UNKL: variants seen among roughly 807,000 people sequenced by gnomAD.
UNKL encodes the protein unk like zinc finger, also known as putative E3 ubiquitin-protein ligase UNKL.
UNKL carries 60 observed loss-of-function variants against 78.0 expected under a neutral mutation model. The observed-to-expected ratio is 0.77, with a 90% confidence interval of 0.63 to 0.95. UNKL has a LOEUF of 0.95. Ranked by LOEUF, UNKL falls within the 40% of genes least tolerant of loss-of-function variation. UNKL has a pLI of 0.00. For synonymous variants in UNKL, 608 were observed against 474.8 expected, an observed-to-expected ratio of 1.28 and a Z score of -3.65; for missense variants, 1,159 against 1,045.7, an observed-to-expected ratio of 1.11 and a Z score of -1.49.
intron 10 of UNKL, among the ~76,000 whole-genome samples, chr16:1,375,582 C>A (rs1236508394): frequency 6.6e-6 from 1 of 152,178 alleles, no homozygotes; most frequent in Non-Finnish European, 1.5e-5. Context: ...CGGGAGTGGC[C>A]TCCACTCCCA....
At position 1,387,090 on chromosome 16, in the gene UNKL, C is replaced by T. The variant is rs144709473; in HGVS notation, c.1087-1705G>A. The stretch of plus-strand genomic sequence containing the variant: ...ACCGCAGACCCTCCCAGCCATGCAG[C>T]ACCGGGGACCCTCCCAGCAATGCAG... On this transcript the variant is annotated intron_variant, in intron 9 of 14. Coordinates refer to ENST00000389221, the MANE Select transcript of UNKL (RefSeq NM_001372107.1). This position sits in a 1 kb window ranked among gnomAD's most constrained non-coding sequence, Gnocchi z 4.1. 1.1e-3 allele frequency among the ~76,000 whole-genome samples: 160 copies of T among 151,614 alleles called. No individual in the cohort carries two copies. Among genetic ancestry groups the T allele is most frequent in the African/African-American group, 2.7e-3 (112 of 41,332 alleles).
chr16:1,404,649 A>G (rs1162938607), intron 2 of UNKL, among the ~76,000 whole-genome samples: 1 of 152,194 alleles, frequency 6.6e-6, no homozygotes, highest in Non-Finnish European at 1.5e-5. Context: ...GGTCTTCAGG[A>G]GACACCTGCA....
intron 10 of UNKL, among the ~76,000 whole-genome samples, chr16:1,378,681 C>T (rs1189829676): frequency 6.6e-6 from 1 of 152,196 alleles, no homozygotes; most frequent in Non-Finnish European, 1.5e-5. Flanking sequence ...GTGCTGAAGC[C>T]CGGGAAGCTG....
intron 12 of UNKL, among the ~76,000 whole-genome samples, chr16:1,369,373 T>TC (rs2035593101): frequency 6.7e-6 from 1 of 150,152 alleles, no homozygotes. Context: ...GGCCTTTTTC[T>TC]CTTTTTTTTT....
chr16:1,379,417 G>T (rs1442074233), intron 10 of UNKL: 5 of 948,410 alleles, frequency 5.3e-6, no homozygotes, highest in African/African-American at 1.8e-5. Flanking sequence ...GAAGCGGCGA[G>T]CGCCCGGCAG....
At chr16:1,381,113 G>A (rs1288164223) in intron 10 of UNKL, among the ~76,000 whole-genome samples, 1 of 152,194 alleles carries the variant, frequency 6.6e-6, no homozygotes, top group Admixed American at 6.5e-5. Context: ...CCATCTGAAG[G>A]TCAGCTACGC....
intron 9 of UNKL, among the ~76,000 whole-genome samples, chr16:1,389,771 A>G (rs1402383338): frequency 6.6e-6 from 1 of 152,142 alleles, no homozygotes; most frequent in Non-Finnish European, 1.5e-5. Flanking sequence ...TCAAGCTCGG[A>G]CTCAGCCCCC....
Position 1,365,779 on chromosome 16 carries a change from T to C in UNKL, c.*461A>G, listed in dbSNP as rs1193436719. The C allele has an allele frequency of 6.5e-6, 1 of 154,042 alleles. No individual in the cohort carries two copies. The highest frequency in any genetic ancestry group is 1.4e-5 in the Non-Finnish European group (1 of 69,118). 9.5% of individuals were successfully genotyped at this position (154,042 alleles called of 1,614,324 possible). A position where few individuals can be genotyped will look rare whatever the true frequency, so the allele number is the denominator to read the frequency against. ...TTCACAGTACACATATAAAGCTTCA[T>C]ATTATCGCATATTAAAAAAAAACAG... On this transcript the variant is annotated 3_prime_UTR_variant, in exon 15 of 15. Coordinates refer to ENST00000389221, the MANE Select transcript of UNKL (RefSeq NM_001372107.1).
intron 10 of UNKL, among the ~76,000 whole-genome samples, chr16:1,381,122 G>A (rs1334875382): frequency 2.0e-5 from 3 of 152,190 alleles, no homozygotes; most frequent in African/African-American, 7.2e-5. Context: ...GGTCAGCTAC[G>A]CGGATGCAGC....
chr16:1,369,484 C>T (rs748567021), intron 12 of UNKL, among the ~76,000 whole-genome samples: 11 of 152,124 alleles, frequency 7.2e-5, no homozygotes, highest in Non-Finnish European at 1.3e-4. Flanking sequence ...ATTCTCCTGC[C>T]TCAGCCTCCC....
chr16:1,378,812 C>T (rs1165055032), intron 10 of UNKL: 1 of 152,240 alleles, frequency 6.6e-6, no homozygotes, highest in Non-Finnish European at 1.5e-5. Context: ...CTCCACCACC[C>T]CTAGGGTGCT....
rs1334756922 is a variant in UNKL at position 1,371,579 on chromosome 16, T to C, written c.1297A>G (p.Asn433Asp). The C allele has an allele frequency of 6.5e-7, 1 of 1,536,188 alleles. No individual in the cohort carries two copies. The change falls in exon 11 of 15, where the codon AAT (asparagine) becomes GAT (aspartate). Residue 433 changes from asparagine (N) to aspartate (D), a missense_variant. Coordinates refer to ENST00000389221, the MANE Select transcript of UNKL (RefSeq NM_001372107.1). ...SALDLHLSNV[N>D]IASLEKDLEE... Reference sequence around the variant, plus strand: ...AGGTCCTTCTCTAGGGATGCAATATTCACATTGCTAAGATGCAGGTCTAAC... The same window carrying C: ...AGGTCCTTCTCTAGGGATGCAATATCCACATTGCTAAGATGCAGGTCTAAC...
intron 10 of UNKL, among the ~76,000 whole-genome samples, chr16:1,378,701 G>A (rs115307354): frequency 2.6e-5 from 4 of 152,256 alleles, no homozygotes; most frequent in Admixed American, 1.3e-4. Context: ...GCCTGGAGAG[G>A]GGACGTTCAG....
At chr16:1,386,709 G>C (rs895633637) in intron 9 of UNKL, among the ~76,000 whole-genome samples, 3 of 152,258 alleles carry the variant, frequency 2.0e-5, no homozygotes, top group African/African-American at 7.2e-5. Context: ...ATTTTAATGT[G>C]CATTTCCTAA....
intron 2 of UNKL, among the ~76,000 whole-genome samples, chr16:1,404,365 T>C (rs1053008650): frequency 5.9e-5 from 9 of 152,192 alleles, no homozygotes; most frequent in Non-Finnish European, 7.4e-5. Context: ...CAGGGATGGC[T>C]GGGGACCAAG....
chr16:1,383,593 C>G (rs1471331532), intron 10 of UNKL: 2 of 370,284 alleles, frequency 5.4e-6, no homozygotes, highest in Admixed American at 3.1e-5. Context: ...GGAAGAGTCT[C>G]TCTCTCCTCG....
At chr16:1,374,522 G>A (rs548326689) in intron 10 of UNKL, among the ~76,000 whole-genome samples, 10 of 152,274 alleles carry the variant, frequency 6.6e-5, no homozygotes, top group African/African-American at 2.4e-4. Flanking sequence ...CGTGGGGGTC[G>A]GCGCGCCGGG....
At chr16:1,405,715 G>A (rs921505088) in intron 2 of UNKL, among the ~76,000 whole-genome samples, 10 of 151,860 alleles carry the variant, frequency 6.6e-5, no homozygotes, top group Admixed American at 2.6e-4. Flanking sequence ...ACGAGCCCCC[G>A]GGGGTCGGGT....
chr16:1,409,158 C>T (rs548086981), intron 2 of UNKL, among the ~76,000 whole-genome samples: 256 of 152,232 alleles, frequency 1.7e-3, no homozygotes, highest in African/African-American at 5.9e-3. Flanking sequence ...GTGATCTGCC[C>T]GCCTCGGCCT....
Sources: allele counts gnomAD v4.1 joint callset (sites outside exome capture counted in the v4.1 genomes callset), GRCh38; gene constraint gnomAD v4.1.1; non-coding constraint Gnocchi (gnomAD v3.1); transcripts MANE v1.5; gene names NCBI Gene and HGNC (gene_info 2026-07-23, HGNC 2026-07-21).